The following SLC6A11 variants were observed in gnomAD, a reference collection of about 807,000 sequenced individuals.
The protein encoded by SLC6A11 is sodium- and chloride-dependent GABA transporter 3.
In SLC6A11, 25 loss-of-function variants were observed where a neutral mutation model predicts 74.8. The observed-to-expected ratio is 0.33, with a 90% CI of 0.24 to 0.47. The LOEUF is 0.47. Ranked by LOEUF, SLC6A11 falls within the 20% of genes least tolerant of loss-of-function variation. The pLI, the probability that SLC6A11 is intolerant of heterozygous loss-of-function variation, is 1.00. For synonymous variants in SLC6A11, 330 were observed against 330.2 expected, an observed-to-expected ratio of 1.00 and a Z score of 0.01; for missense variants, 574 against 837.0, an observed-to-expected ratio of 0.69 and a Z score of 3.88.
At chr3:10,881,171 T>C (rs1365700169) in intron 6 of SLC6A11, among the ~76,000 whole-genome samples, 2 of 152,146 alleles carry the variant, frequency 1.3e-5, no homozygotes, top group African/African-American at 4.8e-5. Flanking sequence ...ATCCCAGCAC[T>C]TTGGGAGGCT....
intron 5 of SLC6A11, among the ~76,000 whole-genome samples, chr3:10,848,456 A>AT (rs1694532395): frequency 2.6e-5 from 4 of 152,236 alleles, no homozygotes; most frequent in Admixed American, 2.0e-4. Context: ...GGCATGTGGG[A>AT]TTTTCCCCAA....
chr3:10,936,210 G>A (rs1005866355), intron 13 of SLC6A11, among the ~76,000 whole-genome samples: 1 of 152,192 alleles, frequency 6.6e-6, no homozygotes, highest in Non-Finnish European at 1.5e-5. Context: ...GCAATCCTAG[G>A]GGGGTGGAGA....
chr3:10,827,250 T>C (rs957197261), intron 4 of SLC6A11, among the ~76,000 whole-genome samples: 10 of 152,192 alleles, frequency 6.6e-5, no homozygotes, highest in Non-Finnish European at 1.5e-5. Context: ...TTTCCAAACT[T>C]ATTTTCCTAT....
intron 6 of SLC6A11, among the ~76,000 whole-genome samples, chr3:10,894,449 G>C (rs1354839371): frequency 6.6e-6 from 1 of 152,182 alleles, no homozygotes. Context: ...AGAGCGTTTG[G>C]CTCCAGGCTC....
At chr3:10,851,550 G>T (rs554495815) in intron 5 of SLC6A11, among the ~76,000 whole-genome samples, 3 of 152,172 alleles carry the variant, frequency 2.0e-5, no homozygotes, top group African/African-American at 7.2e-5. Context: ...TAAGCAGATC[G>T]TGTTGTCTGG....
intron 6 of SLC6A11, among the ~76,000 whole-genome samples, chr3:10,902,648 C>T (rs900739843): frequency 3.3e-5 from 5 of 152,202 alleles, no homozygotes; most frequent in African/African-American, 1.2e-4. Context: ...AGCAGAGCTC[C>T]AAGCTGGGTC....
At chr3:10,858,196 A>G (rs13097219) in intron 5 of SLC6A11, among the ~76,000 whole-genome samples, 28,594 of 152,234 alleles carry the variant, frequency 0.19, 3,432 homozygotes, top group South Asian at 0.34. Flanking sequence ...ATGATGAACA[A>G]TGCTTGGTAA....
chr3:10,934,262 T>G lies in SLC6A11; in HGVS notation c.1575+96T>G, dbSNP rs969808042. The stretch of plus-strand genomic sequence containing the variant: ...CCGTAGCCCCCACCCTGGCCGAGGC[T>G]GGACCTGAGGAGGCTGATGTCCCCT... On this transcript the variant is annotated intron_variant, in intron 12 of 13. Coordinates refer to ENST00000254488, the MANE Select transcript of SLC6A11 (RefSeq NM_014229.3). 3.4e-5 allele frequency: 28 copies of G among 831,878 alleles called. No individual in the cohort carries two copies. The African/African-American group carries it at 4.5e-4, about 13-fold the overall frequency. The allele number at this position is 831,878 out of a possible 1,614,324, so 51.5% of individuals were successfully genotyped here.
At chr3:10,854,314 A>G (rs1324280103) in intron 5 of SLC6A11, among the ~76,000 whole-genome samples, 3 of 152,142 alleles carry the variant, frequency 2.0e-5, no homozygotes, top group South Asian at 2.1e-4. Flanking sequence ...ACTTGAACCT[A>G]GGAGGCAGAG....
chr3:10,896,513 C>G (rs1695173328), intron 6 of SLC6A11, among the ~76,000 whole-genome samples: 1 of 152,248 alleles, frequency 6.6e-6, no homozygotes, highest in African/African-American at 2.4e-5. Flanking sequence ...AGAGCTGGAA[C>G]TCAACCAGAT....
At chr3:10,853,145 G>T (rs148958293) in intron 5 of SLC6A11, among the ~76,000 whole-genome samples, 77 of 152,308 alleles carry the variant, frequency 5.1e-4, no homozygotes, top group African/African-American at 1.7e-3. Context: ...TGATTGAGTC[G>T]GGTGAGCCTG....
At chr3:10,859,447 A>C (rs1174283616) in intron 5 of SLC6A11, among the ~76,000 whole-genome samples, 2 of 152,144 alleles carry the variant, frequency 1.3e-5, no homozygotes, top group Non-Finnish European at 2.9e-5. Context: ...CTCTGCAAGT[A>C]GACCCATTAA....
chr3:10,842,738 G>A (rs1233065769), intron 4 of SLC6A11, among the ~76,000 whole-genome samples: 1 of 152,124 alleles, frequency 6.6e-6, no homozygotes, highest in East Asian at 1.9e-4. Context: ...AATGTGTATT[G>A]TATTTAAGTG....
intron 5 of SLC6A11, among the ~76,000 whole-genome samples, chr3:10,870,473 T>A (rs548934669): frequency 3.5e-4 from 53 of 152,324 alleles, no homozygotes; most frequent in African/African-American, 1.1e-3. Context: ...AAGAATGCTG[T>A]GATCTATTAG....
chr3:10,821,797 T>C (rs1422189178), intron 3 of SLC6A11, among the ~76,000 whole-genome samples: 1 of 147,164 alleles, frequency 6.8e-6, no homozygotes, highest in Non-Finnish European at 1.5e-5. Flanking sequence ...AACTTGGGTG[T>C]CCAGTAATTT....
At chr3:10,829,469 G>C (rs890630611) in intron 4 of SLC6A11, among the ~76,000 whole-genome samples, 1 of 152,172 alleles carries the variant, frequency 6.6e-6, no homozygotes, top group Non-Finnish European at 1.5e-5. Context: ...CCTTTCCTAG[G>C]TCAGCACTGC....
intron 6 of SLC6A11, among the ~76,000 whole-genome samples, chr3:10,885,142 C>T (rs1336231553): frequency 6.6e-6 from 1 of 152,190 alleles, no homozygotes; most frequent in African/African-American, 2.4e-5. Flanking sequence ...AACCTTCTGG[C>T]ATTGTTCTTT....
intron 4 of SLC6A11, among the ~76,000 whole-genome samples, chr3:10,830,849 T>C (rs1447662426): frequency 6.6e-6 from 1 of 152,088 alleles, no homozygotes; most frequent in Non-Finnish European, 1.5e-5. Context: ...GTTCTATTCC[T>C]AGAGTTGTGT....
At chr3:10,904,260 A>G (rs1213415882) in intron 6 of SLC6A11, among the ~76,000 whole-genome samples, 2 of 152,252 alleles carry the variant, frequency 1.3e-5, no homozygotes, top group African/African-American at 2.4e-5. Flanking sequence ...CCCTGTGGTC[A>G]TAGCTGGGAA....
Sources: allele counts gnomAD v4.1 joint callset (sites outside exome capture counted in the v4.1 genomes callset), GRCh38; gene constraint gnomAD v4.1.1; transcripts MANE v1.5; gene names NCBI Gene and HGNC (gene_info 2026-07-23, HGNC 2026-07-21).